Variants in NCAM1 observed in about 807,000 individuals in gnomAD.
The protein encoded by NCAM1 is neural cell adhesion molecule 1, also known as antigen recognized by monoclonal antibody 5.1H11.
A neutral mutation model predicts 109.8 loss-of-function variants in NCAM1; 14 were observed. That is an observed-to-expected ratio of 0.13 (90% confidence interval 0.08 to 0.20). NCAM1 has a LOEUF of 0.20. NCAM1 is among the 10% of genes least tolerant of loss of function. NCAM1 has a pLI of 1.00. For synonymous variants in NCAM1, 418 were observed against 442.9 expected (o/e 0.94, Z 0.70); for missense variants, 774 against 1,109.9 (o/e 0.70, Z 4.30).
chr11:113,259,361 T>C (rs1030602943), intron 16 of NCAM1, among the ~76,000 whole-genome samples: 5 of 151,546 alleles, frequency 3.3e-5, no homozygotes, highest in Non-Finnish European at 5.9e-5. Context: ...ATAGTTTTCA[T>C]TTTTAACGAA....
At chr11:113,161,456 C>T (rs1942599312) in intron 1 of NCAM1, among the ~76,000 whole-genome samples, 1 of 152,118 alleles carries the variant, frequency 6.6e-6, no homozygotes, top group African/African-American at 2.4e-5. Context: ...TGTATTCTTC[C>T]TGTCAAATGT....
intron 8 of NCAM1, among the ~76,000 whole-genome samples, chr11:113,219,810 C>T (rs530061943): frequency 6.6e-6 from 1 of 152,312 alleles, no homozygotes; most frequent in East Asian, 1.9e-4. Context: ...GGCATGTAAC[C>T]GACAAGCTTC....
intron 1 of NCAM1, among the ~76,000 whole-genome samples, chr11:113,008,643 C>T (rs1023854994): frequency 5.9e-5 from 9 of 152,142 alleles, no homozygotes; most frequent in South Asian, 2.1e-4. Flanking sequence ...ATAGTTCCAT[C>T]GAGTCACCAA....
intron 1 of NCAM1, among the ~76,000 whole-genome samples, chr11:113,174,487 T>G (rs932874993): frequency 3.3e-5 from 5 of 152,198 alleles, no homozygotes; most frequent in Non-Finnish European, 7.3e-5. Context: ...CCAGTAAATA[T>G]TGTCAGCAGA....
chr11:113,005,622 ACAC>A (rs2135042486), intron 1 of NCAM1, among the ~76,000 whole-genome samples: 1 of 152,160 alleles, frequency 6.6e-6, no homozygotes, highest in South Asian at 2.1e-4. Context: ...GTTTCTGTTG[ACAC>A]TAGCTGTGTA....
At chr11:112,974,435 A>G (rs1950957080) in intron 1 of NCAM1, among the ~76,000 whole-genome samples, 1 of 152,054 alleles carries the variant, frequency 6.6e-6, no homozygotes, top group African/African-American at 2.4e-5. Flanking sequence ...GATGTCACAC[A>G]CTGAAAGACT....
chr11:113,048,119 A>T lies in NCAM1; in HGVS notation c.52+86455A>T, dbSNP rs797026599. On this transcript the variant is annotated intron_variant, in intron 1 of 19. Coordinates refer to ENST00000316851, the MANE Select transcript of NCAM1 (RefSeq NM_181351.5). The stretch of plus-strand genomic sequence containing the variant: ...TGATGGTGACTGCTGCTGAGACTTA[A>T]ATAATCAGACACTCTGACATTGCTG... Among the ~76,000 whole-genome samples the T allele has an allele frequency of 2.0e-5, 3 of 152,164 alleles. No homozygotes were observed. The South Asian group carries it at 6.2e-4, about 32-fold the overall frequency.
chr11:113,200,258 G>A (rs1401356572), intron 1 of NCAM1, among the ~76,000 whole-genome samples: 1 of 152,146 alleles, frequency 6.6e-6, no homozygotes, highest in African/African-American at 2.4e-5. Flanking sequence ...CAGCTTCTGG[G>A]CTTCATAAGC....
At chr11:112,995,654 T>C (rs1303848027) in intron 1 of NCAM1, among the ~76,000 whole-genome samples, 2 of 152,252 alleles carry the variant, frequency 1.3e-5, no homozygotes, top group African/African-American at 4.8e-5. Context: ...GGAGTGATTT[T>C]ATAATGTGTA....
Position 112,961,446 on chromosome 11 carries a change from G to C in NCAM1, c.-167G>C. On this transcript the variant is annotated 5_prime_UTR_variant, in exon 1 of 20. Coordinates refer to ENST00000316851, the MANE Select transcript of NCAM1 (RefSeq NM_181351.5). ...CTCATTCTCCGATCAGCGCGTGAAC[G>C]CAGCTCGGCTGCCGCTGGCAGGAAA... The C allele has an allele frequency of 1.3e-6, 1 of 768,010 alleles. No individual in the cohort carries two copies. The highest frequency in any genetic ancestry group is 1.4e-5 in the South Asian group (1 of 72,220). 47.6% of individuals were successfully genotyped at this position (768,010 alleles called of 1,614,324 possible). A position where few individuals can be genotyped will look rare whatever the true frequency, so the allele number is the denominator to read the frequency against.
intron 1 of NCAM1, among the ~76,000 whole-genome samples, chr11:113,168,322 T>G (rs1942877023): frequency 6.6e-6 from 1 of 152,326 alleles, no homozygotes. Flanking sequence ...CCAATTCACT[T>G]TTACTGCTTT....
At chr11:113,259,305 C>A (rs1342693926) in intron 16 of NCAM1, among the ~76,000 whole-genome samples, 3 of 152,106 alleles carry the variant, frequency 2.0e-5, no homozygotes, top group African/African-American at 7.2e-5. Flanking sequence ...CCCGCCTCGG[C>A]CTCCCAAAGT....
At chr11:113,272,228 G>T (rs1263925932) in intron 19 of NCAM1, among the ~76,000 whole-genome samples, 1 of 152,072 alleles carries the variant, frequency 6.6e-6, no homozygotes, top group Non-Finnish European at 1.5e-5. Flanking sequence ...GAAATTCTAG[G>T]GTTTTGTGTT....
intron 1 of NCAM1, among the ~76,000 whole-genome samples, chr11:112,978,045 T>TGTAA (rs1393193613): frequency 6.6e-6 from 1 of 151,868 alleles, no homozygotes; most frequent in Non-Finnish European, 1.5e-5. Flanking sequence ...AATCCCAGTG[T>TGTAA]GTAAGGATCC....
rs55854215 is a variant in NCAM1 at position 113,067,640 on chromosome 11, G to A, written c.52+105976G>A. The stretch of plus-strand genomic sequence containing the variant: ...GCTCACTAGTTCTACCACCTGTAAC[G>A]AATACTGCAATTAGCTGCTTTCTCT... On this transcript the variant is annotated intron_variant, in intron 1 of 19. Transcript: ENST00000316851. 4.4e-3 allele frequency among the ~76,000 whole-genome samples: 673 copies of A among 152,290 alleles called. 7 individuals are homozygous for A. Among genetic ancestry groups the A allele is most frequent in the African/African-American group, 0.015 (628 of 41,568 alleles).
At chr11:113,185,740 A>G (rs973544027) in intron 1 of NCAM1, among the ~76,000 whole-genome samples, 1 of 152,194 alleles carries the variant, frequency 6.6e-6, no homozygotes. Context: ...AACTGAGTTT[A>G]ATAGTATTTG....
At chr11:113,251,961 C>G (rs966608183) in intron 15 of NCAM1, among the ~76,000 whole-genome samples, 1 of 152,196 alleles carries the variant, frequency 6.6e-6, no homozygotes. Flanking sequence ...AACCCCATTT[C>G]TAATCTTTAA....
rs556005659 is a variant in NCAM1, at chr11:113,104,290, G to GT, written c.53-98088dup. ...TTTGTTTACAGGAGTGAAGAGAAGA[G>GT]TAACAGTGATTTATACTGCCCTACT... is the stretch of plus-strand genomic sequence containing the variant. On this transcript the variant is annotated intron_variant, in intron 1 of 19. Coordinates refer to ENST00000316851, the MANE Select transcript of NCAM1 (RefSeq NM_181351.5). Among the ~76,000 whole-genome samples, 45 of 151,606 alleles carry GT rather than the reference G, an allele frequency of 3.0e-4. No individual in the cohort carries two copies. In the South Asian group the frequency reaches 7.8e-3, roughly 26 times the overall value.
intron 1 of NCAM1, chr11:113,133,056 C>T (rs1029453047): frequency 1.3e-5 from 2 of 152,156 alleles, no homozygotes; most frequent in African/African-American, 2.4e-5. Flanking sequence ...CTGCTGTTGT[C>T]CTGCATTGTT....
Sources: allele counts gnomAD v4.1 joint callset (sites outside exome capture counted in the v4.1 genomes callset), GRCh38; gene constraint gnomAD v4.1.1; transcripts MANE v1.5; gene names NCBI Gene and HGNC (gene_info 2026-07-23, HGNC 2026-07-21).